MDGA2: variants seen among roughly 807,000 people sequenced by gnomAD.
MDGA2 encodes MAM domain containing glycosylphosphatidylinositol anchor 2.
A neutral mutation model predicts 117.8 loss-of-function variants in MDGA2; 40 were observed. That is an observed-to-expected ratio of 0.34 (90% CI 0.26 to 0.44). The LOEUF is 0.44. MDGA2 is among the 20% of genes least tolerant of loss of function. The pLI is 1.00. For synonymous variants in MDGA2, 452 were observed against 439.0 expected (o/e 1.03, Z -0.37); for missense variants, 1,123 against 1,250.6 (o/e 0.90, Z 1.54).
At chr14:47,453,462 G>T (rs1378402922) in intron 1 of MDGA2, among the ~76,000 whole-genome samples, 1 of 152,074 alleles carries the variant, frequency 6.6e-6, no homozygotes, top group Non-Finnish European at 1.5e-5. Context: ...GTTACTCAGT[G>T]AAAGATAACC....
chr14:46,984,429 T>C (rs61992803), intron 8 of MDGA2, among the ~76,000 whole-genome samples: 15,828 of 152,074 alleles, frequency 0.1, 1,142 homozygotes, highest in Admixed American at 0.16. Context: ...TTTTTGATTA[T>C]ATTTTATATA....
At chr14:46,850,949 T>A (rs947269863) in intron 15 of MDGA2, among the ~76,000 whole-genome samples, 1 of 151,886 alleles carries the variant, frequency 6.6e-6, no homozygotes, top group Non-Finnish European at 1.5e-5. Flanking sequence ...GGAATGTGGC[T>A]TAGAATGCCA....
intron 2 of MDGA2, among the ~76,000 whole-genome samples, chr14:47,220,208 A>G (rs993304862): frequency 2.0e-5 from 3 of 152,182 alleles, no homozygotes. Context: ...AGAGTTTACC[A>G]AGTCACATGC....
At chr14:47,108,372 G>A (rs1880844193) in intron 5 of MDGA2, among the ~76,000 whole-genome samples, 1 of 152,146 alleles carries the variant, frequency 6.6e-6, no homozygotes, top group African/African-American at 2.4e-5. Context: ...GCACGTATAC[G>A]CCCAGATGGC....
chr14:47,339,379 T>G (rs1032615560), intron 1 of MDGA2, among the ~76,000 whole-genome samples: 1 of 152,094 alleles, frequency 6.6e-6, no homozygotes, highest in African/African-American at 2.4e-5. Flanking sequence ...ATAGTTTGGA[T>G]ATGGTTGGTT....
chr14:47,287,681 A>C (rs1384284717), intron 2 of MDGA2, among the ~76,000 whole-genome samples: 1 of 152,128 alleles, frequency 6.6e-6, no homozygotes, highest in Admixed American at 6.6e-5. Context: ...TCAATGAATA[A>C]ATAATATATG....
chr14:46,886,896 C>A (rs181092412), intron 10 of MDGA2, among the ~76,000 whole-genome samples: 1 of 152,014 alleles, frequency 6.6e-6, no homozygotes, highest in East Asian at 1.9e-4. Flanking sequence ...ATTAGTGGTT[C>A]TCATATTTCT....
rs145068368 is a variant in MDGA2, at chr14:47,523,905, G to A, written c.280+150612C>T. On this transcript the variant is annotated intron_variant, in intron 1 of 16. Transcript: ENST00000399232. ...AAGGTGTATCAAATGGGAACACAGC[G>A]TCACAGTTGAAACATTTATTTTCCT... 2.7e-3 allele frequency among the ~76,000 whole-genome samples: 412 copies of A among 152,222 alleles called. 3 individuals are homozygous for A. The highest frequency in any genetic ancestry group is 9.4e-3 in the African/African-American group (392 of 41,540).
At chr14:47,197,073 G>A (rs1885312883) in intron 3 of MDGA2, among the ~76,000 whole-genome samples, 1 of 152,070 alleles carries the variant, frequency 6.6e-6, no homozygotes, top group South Asian at 2.1e-4. Flanking sequence ...ACCATTGATG[G>A]GTATCTAGGT....
At chr14:47,391,496 T>A (rs1333593359) in intron 1 of MDGA2, among the ~76,000 whole-genome samples, 1 of 152,206 alleles carries the variant, frequency 6.6e-6, no homozygotes, top group Non-Finnish European at 1.5e-5. Flanking sequence ...ATTAGCACTC[T>A]GTGGATGCCG....
chr14:47,109,922 G>C (rs1176148835), intron 5 of MDGA2, among the ~76,000 whole-genome samples: 2 of 152,066 alleles, frequency 1.3e-5, no homozygotes, highest in Non-Finnish European at 2.9e-5. Context: ...CTCCAGCCTA[G>C]GGAGACAGCG....
chr14:46,888,921 C>G (rs907765786), intron 10 of MDGA2, among the ~76,000 whole-genome samples: 3 of 151,892 alleles, frequency 2.0e-5, no homozygotes, highest in African/African-American at 7.2e-5. Flanking sequence ...GTTTAGCAAC[C>G]ATACTGATAG....
chr14:47,086,268 AGAG>A (rs950823184), intron 6 of MDGA2, among the ~76,000 whole-genome samples: 14 of 152,048 alleles, frequency 9.2e-5, no homozygotes, highest in African/African-American at 3.1e-4. Flanking sequence ...AAAAAGAAGA[AGAG>A]AAGATTCTTT....
In MDGA2 at chr14:47,120,950, C is replaced by G. The variant is rs547427429; in HGVS notation, c.925+10764G>C. Among the ~76,000 whole-genome samples the G allele has an allele frequency of 2.0e-5, 3 of 152,254 alleles. No individual in the cohort carries two copies. The East Asian group carries it at 5.8e-4, about 29-fold the overall frequency. On this transcript the variant is annotated intron_variant, in intron 5 of 16. Transcript: ENST00000399232. ...TGTAATATTAACAGTGGCCCCAAGGCTAAATTTAGCTATACCACATTATTA... is the reference window on the plus strand; with the variant it reads ...TGTAATATTAACAGTGGCCCCAAGGGTAAATTTAGCTATACCACATTATTA...
At chr14:47,510,643 C>T (rs1894619490) in intron 1 of MDGA2, among the ~76,000 whole-genome samples, 1 of 152,166 alleles carries the variant, frequency 6.6e-6, no homozygotes, top group Non-Finnish European at 1.5e-5. Context: ...AAATGGAAGA[C>T]TGATATCACC....
intron 2 of MDGA2, among the ~76,000 whole-genome samples, chr14:47,297,989 T>G (rs1181035748): frequency 6.6e-6 from 1 of 152,200 alleles, no homozygotes; most frequent in African/African-American, 2.4e-5. Context: ...TATTTGTATG[T>G]GTGTGTTTGT....
At chr14:47,279,107 C>T (rs1888394450) in intron 2 of MDGA2, among the ~76,000 whole-genome samples, 1 of 152,012 alleles carries the variant, frequency 6.6e-6, no homozygotes, top group Non-Finnish European at 1.5e-5. Flanking sequence ...CACATATATA[C>T]ATATGCAAGT....
At chr14:47,042,312 G>T (rs867562314) in intron 7 of MDGA2, among the ~76,000 whole-genome samples, 24 of 130,010 alleles carry the variant, frequency 1.8e-4, no homozygotes, top group African/African-American at 6.0e-4. Flanking sequence ...CCAAATCTAT[G>T]TTTTTTTTTT....
chr14:47,543,280 T>C (rs1000109517), intron 1 of MDGA2, among the ~76,000 whole-genome samples: 1 of 151,830 alleles, frequency 6.6e-6, no homozygotes, highest in Non-Finnish European at 1.5e-5. Context: ...ATGCACGCAC[T>C]CTAAAAAAAC....
Sources: gnomAD v4.1 joint callset for allele counts (sites outside exome capture counted in the v4.1 genomes callset) on GRCh38, gnomAD v4.1.1 for gene constraint, MANE v1.5 for transcripts, NCBI Gene and HGNC (gene_info 2026-07-23, HGNC 2026-07-21) for gene names.